Variants in GAB1 observed in about 807,000 individuals in gnomAD.
GAB1 encodes the protein GRB2 associated binding protein 1.
In GAB1, 19 loss-of-function variants were observed where a neutral mutation model predicts 66.5. The ratio of observed to expected loss-of-function variants is 0.29; its 90% CI spans 0.20 to 0.42. The LOEUF is 0.42. Among genes scored for constraint, GAB1 ranks in the 10% least tolerant of loss-of-function variants. The probability of loss-of-function intolerance (pLI) is 1.00; values close to 1 mark genes in which losing one functional copy is unlikely to be tolerated. For missense variants in GAB1, 732 were observed against 858.5 expected (o/e 0.85, Z 1.84); for synonymous variants, 294 against 301.4 (o/e 0.98, Z 0.25).
intron 1 of GAB1, among the ~76,000 whole-genome samples, chr4:143,409,637 A>G (rs781414994): frequency 3.9e-5 from 6 of 152,154 alleles, no homozygotes; most frequent in African/African-American, 1.2e-4. Flanking sequence ...AATGCAAGAG[A>G]TATTACAGAG....
chr4:143,427,351 G>C (rs1733416515), intron 2 of GAB1, among the ~76,000 whole-genome samples: 1 of 152,208 alleles, frequency 6.6e-6, no homozygotes, highest in East Asian at 1.9e-4. Flanking sequence ...TGGCAAAAGG[G>C]GCCATCATTT....
In GAB1 at chr4:143,440,743, T is replaced by G. The variant is rs181649086; in HGVS notation, c.1585+361T>G. Reference sequence around the variant, plus strand: ...AATCCTTTGTTGACTTGTGAAATGATGCACCCATGCAGGCAAATCTTCTGG... The same window carrying G: ...AATCCTTTGTTGACTTGTGAAATGAGGCACCCATGCAGGCAAATCTTCTGG... On this transcript the variant is annotated intron_variant, in intron 6 of 9. Transcript: ENST00000262994. Among the ~76,000 whole-genome samples the G allele has an allele frequency of 2.4e-4, 37 of 152,312 alleles. 1 individual carries two copies. The East Asian group carries it at 6.4e-3, about 26-fold the overall frequency.
At chr4:143,437,012 G>T (rs1733973474) in intron 3 of GAB1, among the ~76,000 whole-genome samples, 1 of 152,022 alleles carries the variant, frequency 6.6e-6, no homozygotes, top group Non-Finnish European at 1.5e-5. Context: ...AAGGGAGAAG[G>T]GTTTTAAGAT....
intron 6 of GAB1, among the ~76,000 whole-genome samples, chr4:143,456,525 T>G (rs1337957255): frequency 6.6e-6 from 1 of 152,116 alleles, no homozygotes; most frequent in Non-Finnish European, 1.5e-5. Flanking sequence ...GGCCCTGGAT[T>G]AGGGAATTTT....
Position 143,341,789 on chromosome 4 carries a change from G to T in GAB1, c.72+4529G>T, listed in dbSNP as rs1433730060. On this transcript the variant is annotated intron_variant, in intron 1 of 9. Transcript: ENST00000262994. The stretch of plus-strand genomic sequence containing the variant: ...GACATGGAGGAGAGGGGCGTGGGCA[G>T]GCCAAGTGTCAGCATCTCCTTGGTT... Among the ~76,000 whole-genome samples the T allele has an allele frequency of 2.0e-5, 3 of 152,294 alleles. No homozygotes were observed. In the East Asian group the frequency reaches 5.8e-4, roughly 29 times the overall value.
chr4:143,433,570 C>A lies in GAB1; in HGVS notation c.447C>A (p.Thr149=), dbSNP rs1560766444. 1 of 1,613,930 alleles carries A rather than the reference C, an allele frequency of 6.2e-7. No individual in the cohort carries two copies. The highest frequency in any genetic ancestry group is 8.5e-7 in the Non-Finnish European group (1 of 1,179,826). Residue 149 remains threonine, a synonymous_variant, in exon 3 of 10, where the codon ACC becomes ACA. Transcript: ENST00000262994. ...CTATAAATACAGCACCACCATCCAC[C>A]CAGGCAGATTCATCCTCTGCTACTC... The part of the protein sequence containing the change: ...PLAINTAPPS[T]QADSSSATLP...
chr4:143,436,326 T>G (rs1303258789), intron 3 of GAB1, among the ~76,000 whole-genome samples: 1 of 152,202 alleles, frequency 6.6e-6, no homozygotes, highest in Non-Finnish European at 1.5e-5. Flanking sequence ...GCCAGGTTAT[T>G]AGTAACCTCA....
At chr4:143,465,344 G>T (rs1231850984) in intron 8 of GAB1, among the ~76,000 whole-genome samples, 2 of 151,924 alleles carry the variant, frequency 1.3e-5, no homozygotes, top group African/African-American at 4.8e-5. Context: ...TTTTTTTAGA[G>T]AGTAGTCCTA....
chr4:143,371,609 C>G (rs1219814897), intron 1 of GAB1, among the ~76,000 whole-genome samples: 6 of 152,300 alleles, frequency 3.9e-5, no homozygotes, highest in Admixed American at 3.9e-4. Flanking sequence ...GTGTTTTAGT[C>G]TTGAAGTCCT....
chr4:143,370,983 A>G (rs987178423), intron 1 of GAB1, among the ~76,000 whole-genome samples: 2 of 152,138 alleles, frequency 1.3e-5, no homozygotes, highest in Admixed American at 1.3e-4. Flanking sequence ...AGTCTTTACT[A>G]TTGTGAATAG....
chr4:143,351,810 CTA>C lies in GAB1; in HGVS notation c.72+14552_72+14553del, dbSNP rs1560713823. On this transcript the variant is annotated intron_variant, in intron 1 of 9. Transcript: ENST00000262994. ...AGAAGCAGGGATGCTACTAAACACT[CTA>C]TTGCACAGATTTATCTGGCTCAGAA... is the stretch of plus-strand genomic sequence containing the variant. Among the ~76,000 whole-genome samples the C allele has an allele frequency of 2.0e-5, 3 of 152,316 alleles. No homozygotes were observed. In the South Asian group the frequency reaches 6.2e-4, roughly 32 times the overall value.
intron 1 of GAB1, among the ~76,000 whole-genome samples, chr4:143,377,103 T>C (rs1308884330): frequency 6.6e-6 from 1 of 152,000 alleles, no homozygotes; most frequent in African/African-American, 2.4e-5. Context: ...GGTGGTTTTT[T>C]TTTTTTTCTT....
At chr4:143,421,281 A>C (rs1027463254) in intron 2 of GAB1, among the ~76,000 whole-genome samples, 1 of 152,140 alleles carries the variant, frequency 6.6e-6, no homozygotes, top group Non-Finnish European at 1.5e-5. Flanking sequence ...AATATATCAC[A>C]AATTGTGGAT....
chr4:143,410,118 T>C (rs1166195072), intron 1 of GAB1, among the ~76,000 whole-genome samples: 2 of 151,832 alleles, frequency 1.3e-5, no homozygotes, highest in African/African-American at 4.8e-5. Context: ...ACCCATGGAC[T>C]ACCCCCGACC....
intron 6 of GAB1, among the ~76,000 whole-genome samples, chr4:143,442,656 T>C (rs1419415575): frequency 6.6e-6 from 1 of 152,158 alleles, no homozygotes; most frequent in African/African-American, 2.4e-5. Flanking sequence ...TATTTTATAA[T>C]TATACATCCC....
At chr4:143,373,868 A>ATATATATATATATATATAT (rs1560725949) in intron 1 of GAB1, among the ~76,000 whole-genome samples, 2,278 of 93,180 alleles carry the variant, frequency 0.024, 251 homozygotes, top group South Asian at 0.04. Flanking sequence ...TAAATAAATA[A>ATATATATATATATATATAT]ATATATATAT....
chr4:143,378,079 G>T (rs981098582), intron 1 of GAB1, among the ~76,000 whole-genome samples: 1 of 152,104 alleles, frequency 6.6e-6, no homozygotes, highest in African/African-American at 2.4e-5. Context: ...GATGTATAGC[G>T]TATAAAAACA....
At chr4:143,397,885 G>A (rs1197649147) in intron 1 of GAB1, among the ~76,000 whole-genome samples, 3 of 152,210 alleles carry the variant, frequency 2.0e-5, no homozygotes, top group African/African-American at 7.2e-5. Flanking sequence ...CTTAGAAGCA[G>A]AAGAGTTTTA....
At chr4:143,364,003 CAG>C (rs1560719944) in intron 1 of GAB1, among the ~76,000 whole-genome samples, 1 of 152,060 alleles carries the variant, frequency 6.6e-6, no homozygotes, top group Non-Finnish European at 1.5e-5. Context: ...GTGTGGCCAA[CAG>C]GGTGAAACCC....
Sources: gnomAD v4.1 joint callset for allele counts (sites outside exome capture counted in the v4.1 genomes callset) on GRCh38, gnomAD v4.1.1 for gene constraint, MANE v1.5 for transcripts, NCBI Gene and HGNC (gene_info 2026-07-23, HGNC 2026-07-21) for gene names.